The following PHF19 variants were observed in gnomAD, a reference collection of about 807,000 sequenced individuals.
PHF19 encodes PHD finger protein 19.
Under a neutral mutation model 79.8 loss-of-function variants are expected in PHF19, and 21 were observed. That is an observed-to-expected ratio of 0.26 (90% CI 0.19 to 0.38). PHF19 has a LOEUF of 0.38. Among genes scored for constraint, PHF19 ranks in the 10% least tolerant of loss-of-function variants. PHF19 has a pLI of 1.00. For missense variants in PHF19, 445 were observed against 744.2 expected (o/e 0.60, Z 4.68); for synonymous variants, 273 against 296.3 (o/e 0.92, Z 0.81).
At position 120,860,468 on chromosome 9, in the gene PHF19, A is replaced by G. The variant is rs570786079; in HGVS notation, c.1305-283T>C. 4.7e-5 allele frequency: 20 copies of G among 421,082 alleles called. No individual in the cohort carries two copies. In the East Asian group the frequency reaches 7.0e-4, roughly 15 times the overall value. The allele number at this position is 421,082 out of a possible 1,614,324, so 26.1% of individuals were successfully genotyped here. ...GCACCTGTGCAACACTTCACAGGTCAAAAGTGCTTTCATTTGCATTATCTT... is the reference window on the plus strand; with the variant it reads ...GCACCTGTGCAACACTTCACAGGTCGAAAGTGCTTTCATTTGCATTATCTT... On this transcript the variant is annotated intron_variant, in intron 13 of 14. Coordinates refer to ENST00000373896, the MANE Select transcript of PHF19 (RefSeq NM_015651.3). This position sits in a 1 kb window ranked among gnomAD's most constrained non-coding sequence, Gnocchi z 4.1.
chr9:120,875,211 G>A (rs1037362854), intron 1 of PHF19, among the ~76,000 whole-genome samples: 2 of 152,174 alleles, frequency 1.3e-5, no homozygotes, highest in African/African-American at 4.8e-5. Context: ...CCTGAGATCT[G>A]TCCAGAGAAA....
chr9:120,864,681 T>TCAAA (rs536447515), intron 9 of PHF19, among the ~76,000 whole-genome samples: 4 of 152,158 alleles, frequency 2.6e-5, no homozygotes, highest in Admixed American at 6.5e-5. Context: ...AGACTCCGTC[T>TCAAA]CAAACAAACA....
rs1304812643 is a variant in PHF19 at position 120,869,461 on chromosome 9, A to G, written c.466-131T>C. ...GCAGATATTCCAATATAGTCAGAAA[A>G]GCAAGGAGCTTTTTCTCATTAATTC... On this transcript the variant is annotated intron_variant, in intron 5 of 14. Transcript: ENST00000373896. This position sits in a 1 kb window ranked among gnomAD's most constrained non-coding sequence, Gnocchi z 5.8. The G allele has an allele frequency of 7.5e-7, 1 of 1,333,540 alleles. No homozygotes were observed. Among genetic ancestry groups the G allele is most frequent in the Non-Finnish European group, 1.0e-6 (1 of 999,670 alleles). 82.6% of individuals were successfully genotyped at this position (1,333,540 alleles called of 1,614,324 possible). A position where few individuals can be genotyped will look rare whatever the true frequency, so the allele number is the denominator to read the frequency against.
chr9:120,886,607 C>T (rs978418131), intron 1 of PHF19, among the ~76,000 whole-genome samples: 1 of 152,208 alleles, frequency 6.6e-6, no homozygotes. Flanking sequence ...CTATGGAGAT[C>T]CCTTCCACAG....
At chr9:120,863,899 G>C in intron 10 of PHF19, 150 bp downstream of exon 10, 1 of 704,476 alleles carries the variant, frequency 1.4e-6, no homozygotes, top group Non-Finnish European at 2.5e-6. Context: ...AGGAGGTGGG[G>C]TACCCCCTGG....
chr9:120,869,957 G>T lies in PHF19; in HGVS notation c.365-12C>A. On this transcript the variant is annotated splice_polypyrimidine_tract_variant and intron_variant, in intron 4 of 14. Coordinates refer to ENST00000373896, the MANE Select transcript of PHF19 (RefSeq NM_015651.3). The surrounding 1 kb of genome is among the most constrained non-coding windows in gnomAD (Gnocchi z 5.8). Reference sequence around the variant, plus strand: ...CTGCTGGTGGTAACCTACGGCAGAGGAGGGGGCGGTGAGCGCCCACAAGGA... The same window carrying T: ...CTGCTGGTGGTAACCTACGGCAGAGTAGGGGGCGGTGAGCGCCCACAAGGA... 6.4e-7 allele frequency: 1 copy of T among 1,562,460 alleles called. No homozygotes were observed. Among genetic ancestry groups the T allele is most frequent in the East Asian group, 2.4e-5 (1 of 42,354 alleles).
intron 14 of PHF19, among the ~76,000 whole-genome samples, chr9:120,858,913 C>T (rs1048351977): frequency 6.6e-6 from 1 of 151,674 alleles, no homozygotes; most frequent in Non-Finnish European, 1.5e-5. Context: ...GATTCAGATG[C>T]TTAGAGACAG....
upstream of PHF19, among the ~76,000 whole-genome samples, chr9:120,882,180 A>C (rs996347374): frequency 2.6e-5 from 4 of 152,234 alleles, no homozygotes; most frequent in African/African-American, 9.6e-5. Flanking sequence ...AGTGTCACAC[A>C]CAATAGAGAG....
upstream of PHF19, among the ~76,000 whole-genome samples, chr9:120,899,107 G>A (rs2046421992): frequency 6.6e-6 from 1 of 151,918 alleles, no homozygotes; most frequent in Non-Finnish European, 1.5e-5. Flanking sequence ...TCTGAGGCAG[G>A]AGAATCTGTT....
At chr9:120,884,025 G>C (rs1457668719) in intron 1 of PHF19, among the ~76,000 whole-genome samples, 1 of 152,114 alleles carries the variant, frequency 6.6e-6, no homozygotes, top group African/African-American at 2.4e-5. Context: ...TGGACTCACT[G>C]GTCAATATAT....
chr9:120,865,884 A>G, intron 8 of PHF19, 54 bp from the exon 9 acceptor site: 1 of 1,612,920 alleles, frequency 6.2e-7, no homozygotes, highest in Non-Finnish European at 8.5e-7. Context: ...CTGCTCAGCC[A>G]GGGTCACAGC....
chr9:120,878,900 C>A (rs146475247), upstream of PHF19, among the ~76,000 whole-genome samples: 6 of 152,310 alleles, frequency 3.9e-5, no homozygotes, highest in African/African-American at 1.4e-4. Context: ...GCGGGTAGGG[C>A]TGATGATGGG....
At chr9:120,888,840 A>G (rs559362602) in intron 1 of PHF19, among the ~76,000 whole-genome samples, 144 of 152,294 alleles carry the variant, frequency 9.5e-4, no homozygotes, top group African/African-American at 3.4e-3. Flanking sequence ...AGTGATCTCC[A>G]AGGGTCCCCT....
In PHF19 at chr9:120,856,069, C is replaced by G. The variant is rs954750909; in HGVS notation, c.*1875G>C. 6.6e-6 allele frequency: 1 copy of G among 152,654 alleles called. No individual in the cohort carries two copies. Among genetic ancestry groups the G allele is most frequent in the Non-Finnish European group, 1.5e-5 (1 of 68,064 alleles). 9.5% of individuals were successfully genotyped at this position (152,654 alleles called of 1,614,324 possible). A position where few individuals can be genotyped will look rare whatever the true frequency, so the allele number is the denominator to read the frequency against. ...ATTGGATCCCAGTTCCCACAGCACC[C>G]CTGGGCTAGGGGTTGGCTTCTCAGC... On this transcript the variant is annotated 3_prime_UTR_variant, in exon 15 of 15. Coordinates refer to ENST00000373896, the MANE Select transcript of PHF19 (RefSeq NM_015651.3).
At chr9:120,867,019 G>A (rs979603372) in intron 6 of PHF19, 54 bp from the exon 7 acceptor site, 9 of 1,040,006 alleles carry the variant, frequency 8.7e-6, no homozygotes, top group Non-Finnish European at 1.1e-5. Context: ...AGTCAGGTAT[G>A]AGCTTCGGCA....
rs1419330812 is a variant in PHF19 at position 120,869,117 on chromosome 9, GGTCCC to G, written c.614+60_614+64del. On this transcript the variant is annotated intron_variant, in intron 6 of 14. Coordinates refer to ENST00000373896, the MANE Select transcript of PHF19 (RefSeq NM_015651.3). This position sits in a 1 kb window ranked among gnomAD's most constrained non-coding sequence, Gnocchi z 5.8. ...CACGCCAGGCTCGCTCCCTATGGGCGGTCCCTGCTGGCGATTCTTGGAGACCTGCC... is the reference window on the plus strand; with the variant it reads ...CACGCCAGGCTCGCTCCCTATGGGCGTGCTGGCGATTCTTGGAGACCTGCC... The G allele has an allele frequency of 3.3e-4, 503 of 1,504,400 alleles. 3 individuals carry two copies. The East Asian group carries it at 9.8e-3, about 29-fold the overall frequency. 93.2% of individuals were successfully genotyped at this position (1,504,400 alleles called of 1,614,324 possible). A position where few individuals can be genotyped will look rare whatever the true frequency, so the allele number is the denominator to read the frequency against.
intron 13 of PHF19, 85 bp downstream of exon 13, chr9:120,861,004 A>T: frequency 1.2e-6 from 1 of 819,484 alleles, no homozygotes; most frequent in Non-Finnish European, 2.2e-6. Context: ...CACAGCAGGG[A>T]TCCTTTTAAC....
At chr9:120,868,947 A>G (rs7847628) in intron 6 of PHF19, 248,591 of 359,414 alleles carry the variant, frequency 0.69, 84,329 homozygotes, top group South Asian at 0.81. Flanking sequence ...TCGAGGCCCC[A>G]CCTCCGCAGC....
chr9:120,864,637 C>A (rs140066162), intron 9 of PHF19, among the ~76,000 whole-genome samples: 3 of 152,184 alleles, frequency 2.0e-5, no homozygotes, highest in Non-Finnish European at 4.4e-5. Flanking sequence ...GAGCTGAGAC[C>A]GCGCCACTGC....
Sources: allele counts gnomAD v4.1 joint callset (sites outside exome capture counted in the v4.1 genomes callset), GRCh38; gene constraint gnomAD v4.1.1; non-coding constraint Gnocchi (gnomAD v3.1); transcripts MANE v1.5; gene names NCBI Gene and HGNC (gene_info 2026-07-23, HGNC 2026-07-21).